Variants in SLC24A2 observed in about 807,000 individuals in gnomAD.
The protein encoded by SLC24A2 is sodium/potassium/calcium exchanger 2.
A neutral mutation model predicts 62.0 loss-of-function variants in SLC24A2; 36 were observed. That is an observed-to-expected ratio of 0.58 (90% CI 0.44 to 0.77). The LOEUF (loss-of-function observed/expected upper bound fraction) is 0.77, where lower values mean the gene tolerates loss of function less well. Ranked by LOEUF, SLC24A2 falls within the 30% of genes least tolerant of loss-of-function variation. SLC24A2 has a pLI of 0.00. For synonymous variants in SLC24A2, 358 were observed against 294.0 expected (o/e 1.22, Z -2.23); for missense variants, 846 against 817.9 (o/e 1.03, Z -0.42).
chr9:20,132,224 C>A, the SLC24A2 span, among the ~76,000 whole-genome samples: 62 of 151,994 alleles, frequency 4.1e-4, no homozygotes, highest in African/African-American at 1.4e-3. Context: ...TTGGGCTTCA[C>A]CGCGCAGAAG....
At chr9:20,156,003 T>C in the SLC24A2 span, among the ~76,000 whole-genome samples, 2 of 151,904 alleles carry the variant, frequency 1.3e-5, no homozygotes, top group South Asian at 4.1e-4. Flanking sequence ...GAATACTTCA[T>C]CTTTTATAAA....
chr9:20,131,261 T>A, the SLC24A2 span, among the ~76,000 whole-genome samples: 8 of 152,212 alleles, frequency 5.3e-5, no homozygotes, highest in East Asian at 1.6e-3. Context: ...AATCCCATTG[T>A]CAATGTAAGC....
At chr9:19,758,134 C>T (rs1308071925) in intron 2 of SLC24A2, among the ~76,000 whole-genome samples, 1 of 152,086 alleles carries the variant, frequency 6.6e-6, no homozygotes, top group African/African-American at 2.4e-5. Context: ...TACATACCAA[C>T]AGAGAAAGTG....
the SLC24A2 span, among the ~76,000 whole-genome samples, chr9:20,216,969 A>T: frequency 6.6e-6 from 1 of 152,082 alleles, no homozygotes; most frequent in Non-Finnish European, 1.5e-5. Context: ...GTCCCAAAAG[A>T]CTCTTAAAAG....
Position 19,718,458 on chromosome 9 carries a change from ATTT to A in SLC24A2, c.930+67476_930+67478del, listed in dbSNP as rs58736549. 4.1e-3 allele frequency among the ~76,000 whole-genome samples: 406 copies of A among 99,760 alleles called. 1 individual carries two copies. The highest frequency in any genetic ancestry group is 0.015 in the African/African-American group (328 of 22,386). The allele number at this position is 99,760 out of a possible 152,430, so 65.4% of individuals were successfully genotyped here. On this transcript the variant is annotated intron_variant, in intron 2 of 10. Coordinates refer to ENST00000341998, the MANE Select transcript of SLC24A2 (RefSeq NM_020344.4). ...CAGGTGTGCACCACCATGCCTGGCTATTTTTTTTTTTTTTTTTTTTTTTTGTAA... is the reference window on the plus strand; with the variant it reads ...CAGGTGTGCACCACCATGCCTGGCTATTTTTTTTTTTTTTTTTTTTTGTAA...
At chr9:20,254,321 T>C in the SLC24A2 span, among the ~76,000 whole-genome samples, 1 of 152,190 alleles carries the variant, frequency 6.6e-6, no homozygotes. Flanking sequence ...TTAGAAATAA[T>C]GCCATCAAAA....
chr9:19,535,154 G>C (rs186275701), intron 8 of SLC24A2, among the ~76,000 whole-genome samples: 1 of 151,928 alleles, frequency 6.6e-6, no homozygotes, highest in Non-Finnish European at 1.5e-5. Flanking sequence ...CATAAATGTC[G>C]TCTTTTGAGA....
chr9:20,123,643 T>C, the SLC24A2 span, among the ~76,000 whole-genome samples: 4 of 152,188 alleles, frequency 2.6e-5, no homozygotes, highest in Non-Finnish European at 5.9e-5. Context: ...CCTCATAGGA[T>C]TGTCATGTGG....
the SLC24A2 span, among the ~76,000 whole-genome samples, chr9:20,177,557 G>C: frequency 2.8e-4 from 42 of 152,262 alleles, no homozygotes; most frequent in African/African-American, 9.6e-4. Flanking sequence ...TTGAGAGGAA[G>C]TGAGTGGTAT....
the SLC24A2 span, among the ~76,000 whole-genome samples, chr9:20,276,578 C>A: frequency 6.6e-6 from 1 of 152,150 alleles, no homozygotes; most frequent in African/African-American, 2.4e-5. Context: ...TGATGGTGTC[C>A]CTCTTCTCAC....
the SLC24A2 span, among the ~76,000 whole-genome samples, chr9:20,099,363 C>A: frequency 2.0e-5 from 3 of 152,066 alleles, no homozygotes; most frequent in African/African-American, 4.8e-5. Flanking sequence ...CCTTTATTTC[C>A]TTCTTCTTTA....
chr9:19,911,219 C>T, the SLC24A2 span, among the ~76,000 whole-genome samples: 1 of 152,136 alleles, frequency 6.6e-6, no homozygotes, highest in East Asian at 1.9e-4. Context: ...TTTCCAATTT[C>T]ATCCATGTCC....
chr9:20,058,800 T>A, the SLC24A2 span, among the ~76,000 whole-genome samples: 1 of 152,216 alleles, frequency 6.6e-6, no homozygotes, highest in Non-Finnish European at 1.5e-5. Flanking sequence ...CATGCATACG[T>A]ATGTGTGTAC....
intron 5 of SLC24A2, among the ~76,000 whole-genome samples, chr9:19,586,490 C>A (rs568295164): frequency 6.6e-6 from 1 of 151,860 alleles, no homozygotes; most frequent in Admixed American, 6.6e-5. Context: ...AAACACATTG[C>A]GGGAAACTTG....
the SLC24A2 span, among the ~76,000 whole-genome samples, chr9:20,272,797 T>A: frequency 6.6e-6 from 1 of 151,010 alleles, no homozygotes; most frequent in East Asian, 1.9e-4. Context: ...AAAAAAGAGG[T>A]TTATTAGGAG....
At chr9:20,290,742 C>G in the SLC24A2 span, among the ~76,000 whole-genome samples, 1 of 152,176 alleles carries the variant, frequency 6.6e-6, no homozygotes, top group African/African-American at 2.4e-5. Flanking sequence ...AATCTGAAAG[C>G]TGTGGAAGTC....
chr9:19,702,138 CTG>C (rs1209261381), intron 2 of SLC24A2, among the ~76,000 whole-genome samples: 1 of 152,136 alleles, frequency 6.6e-6, no homozygotes, highest in East Asian at 1.9e-4. Context: ...AAATGGAAAA[CTG>C]TGAACTTGCT....
At chr9:19,848,274 G>A in the SLC24A2 span, among the ~76,000 whole-genome samples, 2 of 152,158 alleles carry the variant, frequency 1.3e-5, no homozygotes, top group Non-Finnish European at 2.9e-5. Context: ...ACTGATAGAG[G>A]AAGAGGTTTA....
the SLC24A2 span, among the ~76,000 whole-genome samples, chr9:19,936,777 C>T: frequency 6.6e-6 from 1 of 152,066 alleles, no homozygotes; most frequent in East Asian, 1.9e-4. Context: ...ATTAAGGTGT[C>T]TAGAGATATT....
Sources: gnomAD v4.1 joint callset for allele counts (sites outside exome capture counted in the v4.1 genomes callset) on GRCh38, gnomAD v4.1.1 for gene constraint, MANE v1.5 for transcripts, NCBI Gene and HGNC (gene_info 2026-07-23, HGNC 2026-07-21) for gene names.